The following ZNF804A variants were observed in gnomAD, a reference collection of about 807,000 sequenced individuals.
ZNF804A encodes zinc finger protein 804A.
In ZNF804A, 2 loss-of-function variants were observed where a neutral mutation model predicts 16.5. The ratio of observed to expected loss-of-function variants is 0.12; its 90% CI spans 0.05 to 0.38. The LOEUF (loss-of-function observed/expected upper bound fraction) is 0.38. ZNF804A is among the 10% of genes least tolerant of loss of function. ZNF804A has a pLI of 0.99. For missense variants in ZNF804A, 1,473 were observed against 1,390.7 expected (o/e 1.06, Z -0.94); for synonymous variants, 534 against 489.6 (o/e 1.09, Z -1.20).
chr2:184,605,466 C>G (rs1377788282), intron 1 of ZNF804A, among the ~76,000 whole-genome samples: 1 of 152,016 alleles, frequency 6.6e-6, no homozygotes, highest in Non-Finnish European at 1.5e-5. Context: ...GGTTCTCATT[C>G]ATGGATTCAA....
intron 1 of ZNF804A, among the ~76,000 whole-genome samples, chr2:184,706,609 T>C (rs560177721): frequency 2.6e-5 from 4 of 152,308 alleles, no homozygotes; most frequent in African/African-American, 9.6e-5. Flanking sequence ...TTGTCTAGCC[T>C]GACATTTCAG....
chr2:184,791,141 A>G (rs894343368), intron 1 of ZNF804A, among the ~76,000 whole-genome samples: 1 of 152,058 alleles, frequency 6.6e-6, no homozygotes, highest in African/African-American at 2.4e-5. Flanking sequence ...TCCACTCTGT[A>G]TCTTTTTAGT....
At chr2:184,675,660 T>C (rs905779369) in intron 1 of ZNF804A, among the ~76,000 whole-genome samples, 2 of 151,882 alleles carry the variant, frequency 1.3e-5, no homozygotes, top group Admixed American at 1.3e-4. Flanking sequence ...ATAGATACTT[T>C]TTAAATTTTC....
In ZNF804A at chr2:184,937,679, C is replaced by T; in HGVS notation, c.2283C>T (p.Val761=). The T allele has an allele frequency of 6.2e-7, 1 of 1,614,034 alleles. No individual in the cohort carries two copies. The highest frequency in any genetic ancestry group is 8.5e-7 in the Non-Finnish European group (1 of 1,179,976). The change falls in exon 4 of 4, where the codon GTC becomes GTT. Residue 761 remains valine, a synonymous_variant. Coordinates refer to ENST00000302277, the MANE Select transcript of ZNF804A (RefSeq NM_194250.2). ...CTGTTAAAAGAGGTTACAATTCTGT[C>T]ATGAATGAATCAGAAAGATTCTATC... The part of the protein sequence containing the change: ...NQAVKRGYNS[V]MNESERFYRK...
chr2:184,803,243 G>A (rs1474104618), intron 1 of ZNF804A, among the ~76,000 whole-genome samples: 1 of 151,952 alleles, frequency 6.6e-6, no homozygotes, highest in African/African-American at 2.4e-5. Context: ...TTAACTGCAT[G>A]AATAACTTCC....
At position 184,598,711 on chromosome 2, in the gene ZNF804A, C is replaced by G; in HGVS notation, c.-249C>G. On this transcript the variant is annotated 5_prime_UTR_variant, in exon 1 of 4. Coordinates refer to ENST00000302277, the MANE Select transcript of ZNF804A (RefSeq NM_194250.2). The stretch of plus-strand genomic sequence containing the variant: ...AATCCTCCCGCGGGGCTCGTCGTCC[C>G]GACGCGAATCTGAGGAGAAACAGGA... 3.4e-6 allele frequency: 1 copy of G among 294,448 alleles called. No homozygotes were observed. Among genetic ancestry groups the G allele is most frequent in the Non-Finnish European group, 6.2e-6 (1 of 160,856 alleles). The allele number at this position is 294,448 out of a possible 1,614,324, so 18.2% of individuals were successfully genotyped here. A position where few individuals can be genotyped will look rare whatever the true frequency, so the allele number is the denominator to read the frequency against.
intron 1 of ZNF804A, among the ~76,000 whole-genome samples, chr2:184,836,994 T>C (rs1695359495): frequency 6.6e-6 from 1 of 152,038 alleles, no homozygotes; most frequent in Non-Finnish European, 1.5e-5. Context: ...GTCTTCTTGC[T>C]GGAAATCTGT....
At chr2:184,835,716 G>A (rs1490129503) in intron 1 of ZNF804A, among the ~76,000 whole-genome samples, 5 of 151,722 alleles carry the variant, frequency 3.3e-5, no homozygotes, top group African/African-American at 9.7e-5. Context: ...AAGTGGAACC[G>A]TAAAGGACTA....
intron 1 of ZNF804A, among the ~76,000 whole-genome samples, chr2:184,820,153 A>G (rs1290231546): frequency 6.6e-6 from 1 of 152,098 alleles, no homozygotes; most frequent in Non-Finnish European, 1.5e-5. Context: ...ATGAACATTG[A>G]TGCAAAAATC....
chr2:184,810,519 C>T (rs1371702853), intron 1 of ZNF804A, among the ~76,000 whole-genome samples: 33 of 110,860 alleles, frequency 3.0e-4, no homozygotes, highest in Admixed American at 1.1e-3. Context: ...GAGACGGAGT[C>T]TCACTCTGTC....
At chr2:184,601,982 C>T (rs1421107250) in intron 1 of ZNF804A, among the ~76,000 whole-genome samples, 12 of 151,858 alleles carry the variant, frequency 7.9e-5, no homozygotes, top group Non-Finnish European at 3.0e-5. Flanking sequence ...TTAGATGTTA[C>T]TTATAGGATA....
chr2:184,807,387 G>A (rs73980326), intron 1 of ZNF804A, among the ~76,000 whole-genome samples: 11,394 of 151,856 alleles, frequency 0.075, 1,449 homozygotes, highest in African/African-American at 0.26. Context: ...AGGGGGTGAA[G>A]GGATAGATGT....
chr2:184,598,932 C>T lies in ZNF804A; in HGVS notation c.-28C>T. ...GGCGCGGGGTGCGTGGAAGCGGCGG[C>T]TGCGGCGGAGGAGGCGGCGGCTGCC... On this transcript the variant is annotated 5_prime_UTR_variant, in exon 1 of 4. Coordinates refer to ENST00000302277, the MANE Select transcript of ZNF804A (RefSeq NM_194250.2). The T allele has an allele frequency of 2.0e-6, 3 of 1,474,948 alleles. No homozygotes were observed. The highest frequency in any genetic ancestry group is 2.8e-6 in the Non-Finnish European group (3 of 1,086,426). The allele number at this position is 1,474,948 out of a possible 1,614,324, so 91.4% of individuals were successfully genotyped here.
chr2:184,894,058 CTGTT>C lies in ZNF804A; in HGVS notation c.255+27549_255+27552del, dbSNP rs140371899. ...AATTTTTTATCATTTTTATGATACT[CTGTT>C]TGAGAACAACAATGCATTATTAATT... is the stretch of plus-strand genomic sequence containing the variant. On this transcript the variant is annotated intron_variant, in intron 2 of 3. Coordinates refer to ENST00000302277, the MANE Select transcript of ZNF804A (RefSeq NM_194250.2). 8.3e-3 allele frequency among the ~76,000 whole-genome samples: 1,265 copies of C among 152,128 alleles called. 18 individuals are homozygous for C. Among genetic ancestry groups the C allele is most frequent in the African/African-American group, 0.026 (1,099 of 41,520 alleles).
intron 1 of ZNF804A, among the ~76,000 whole-genome samples, chr2:184,656,366 G>T (rs1049507568): frequency 1.3e-5 from 2 of 152,044 alleles, no homozygotes; most frequent in African/African-American, 4.8e-5. Flanking sequence ...AGAGTGTTTT[G>T]TTAGTGGGCT....
At chr2:184,898,749 G>C (rs886470361) in intron 2 of ZNF804A, among the ~76,000 whole-genome samples, 5 of 151,814 alleles carry the variant, frequency 3.3e-5, no homozygotes, top group Non-Finnish European at 7.4e-5. Flanking sequence ...TAATTGTATT[G>C]TTTTCTCATC....
At chr2:184,900,397 C>A (rs968136634) in intron 2 of ZNF804A, among the ~76,000 whole-genome samples, 2 of 152,094 alleles carry the variant, frequency 1.3e-5, no homozygotes, top group African/African-American at 4.8e-5. Flanking sequence ...AGTGAGGAGG[C>A]TAATTCGCTT....
chr2:184,831,530 G>C (rs747316271), intron 1 of ZNF804A, among the ~76,000 whole-genome samples: 4 of 152,000 alleles, frequency 2.6e-5, no homozygotes, highest in Non-Finnish European at 5.9e-5. Flanking sequence ...CATTTCAGTA[G>C]CATCAGTGTT....
At chr2:184,913,832 T>A (rs1395580174) in intron 2 of ZNF804A, among the ~76,000 whole-genome samples, 2 of 152,188 alleles carry the variant, frequency 1.3e-5, no homozygotes, top group Admixed American at 1.3e-4. Context: ...TCACTACTCA[T>A]GTGCCTGCAT....
Sources: gnomAD v4.1 joint callset for allele counts (sites outside exome capture counted in the v4.1 genomes callset) on GRCh38, gnomAD v4.1.1 for gene constraint, MANE v1.5 for transcripts, NCBI Gene and HGNC (gene_info 2026-07-23, HGNC 2026-07-21) for gene names.